The following ANXA2 variants were observed in gnomAD, a reference collection of about 807,000 sequenced individuals.
ANXA2 encodes annexin II.
ANXA2 carries 28 observed loss-of-function variants against 47.3 expected under a neutral mutation model. The ratio of observed to expected loss-of-function variants is 0.59; its 90% confidence interval spans 0.44 to 0.81. The LOEUF is 0.81. ANXA2 is among the 40% of genes least tolerant of loss of function. The probability of loss-of-function intolerance (pLI) is 0.00; values close to 1 mark genes in which losing one functional copy is unlikely to be tolerated. For synonymous variants in ANXA2, 172 were observed against 155.5 expected, an observed-to-expected ratio of 1.11 and a Z score of -0.79; for missense variants, 384 against 414.3, an observed-to-expected ratio of 0.93 and a Z score of 0.64.
intron 5 of ANXA2, among the ~76,000 whole-genome samples, chr15:60,358,910 T>C (rs2062472319): frequency 6.6e-6 from 1 of 152,192 alleles, no homozygotes; most frequent in Non-Finnish European, 1.5e-5. Context: ...CCAGTGGTAA[T>C]ATCTGAGAAT....
chr15:60,366,413 G>A (rs1300671103), intron 3 of ANXA2, among the ~76,000 whole-genome samples: 6 of 144,804 alleles, frequency 4.1e-5, no homozygotes, highest in Non-Finnish European at 9.1e-5. Context: ...GCATCTCTGC[G>A]CGGCCGCCCA....
At chr15:60,370,580 C>T (rs1223497964) in intron 3 of ANXA2, among the ~76,000 whole-genome samples, 2 of 152,172 alleles carry the variant, frequency 1.3e-5, no homozygotes, top group African/African-American at 4.8e-5. Context: ...AAGGGTCATC[C>T]GGTTACTCAC....
Position 60,347,661 on chromosome 15 carries a change from G to C in ANXA2, c.989C>G (p.Ala330Gly). 1 of 1,614,172 alleles carries C rather than the reference G, an allele frequency of 6.2e-7. No homozygotes were observed. Among genetic ancestry groups the C allele is most frequent in the East Asian group, 2.2e-5 (1 of 44,896 alleles). Reference protein sequence around the residue: ...QQDTKGDYQKALLYLCGGDD With the variant: ...QQDTKGDYQKGLLYLCGGDD Reference sequence around the variant, plus strand: ...ATCTCCACCACACAGGTACAGCAGCGCTTTCTGGTAGTCGCCCTTAGTGTC... The same window carrying C: ...ATCTCCACCACACAGGTACAGCAGCCCTTTCTGGTAGTCGCCCTTAGTGTC... The change falls in exon 13 of 13, where the codon GCG becomes GGG. Residue 330 changes from alanine to glycine, a missense_variant. Transcript: ENST00000451270.
At chr15:60,386,333 G>A in intron 1 of ANXA2, 1 of 432,904 alleles carries the variant, frequency 2.3e-6, no homozygotes, top group Non-Finnish European at 4.1e-6. Flanking sequence ...ACAGAACCTG[G>A]GGAGACTGAT....
intron 3 of ANXA2, among the ~76,000 whole-genome samples, chr15:60,367,304 C>A (rs1412335143): frequency 3.2e-5 from 4 of 123,710 alleles, no homozygotes; most frequent in African/African-American, 1.2e-4. Flanking sequence ...CCGCCCCGTC[C>A]GGGAGGTGAG....
At chr15:60,379,191 C>A (rs1210844165) in intron 3 of ANXA2, among the ~76,000 whole-genome samples, 1 of 150,202 alleles carries the variant, frequency 6.7e-6, no homozygotes, top group Non-Finnish European at 1.5e-5. Context: ...AGGCAGAGAA[C>A]TGCTTGAACC....
At chr15:60,357,495 T>C (rs2062450349) in intron 5 of ANXA2, among the ~76,000 whole-genome samples, 1 of 152,164 alleles carries the variant, frequency 6.6e-6, no homozygotes, top group African/African-American at 2.4e-5. Context: ...GGTTTTTTTT[T>C]TTAAGTAGTG....
In ANXA2 at chr15:60,352,309, C is replaced by T; in HGVS notation, c.682+74G>A. On this transcript the variant is annotated intron_variant, in intron 9 of 12. Coordinates refer to ENST00000451270, the MANE Select transcript of ANXA2 (RefSeq NM_004039.3). The surrounding 1 kb of genome is among the most constrained non-coding windows in gnomAD (Gnocchi z 4.2). ...AGAACCTCATTCTGGCAGACTCCATCCCAACATGGACATCCACCCAGCCGC... is the reference window on the plus strand; with the variant it reads ...AGAACCTCATTCTGGCAGACTCCATTCCAACATGGACATCCACCCAGCCGC... 9.9e-7 allele frequency: 1 copy of T among 1,011,848 alleles called. No individual in the cohort carries two copies. The highest frequency in any genetic ancestry group is 1.6e-5 in the African/African-American group (1 of 62,274). The allele number at this position is 1,011,848 out of a possible 1,614,324, so 62.7% of individuals were successfully genotyped here. A position where few individuals can be genotyped will look rare whatever the true frequency, so the allele number is the denominator to read the frequency against.
chr15:60,357,283 C>A (rs770599774), intron 5 of ANXA2, 47 bp from the exon 6 acceptor site: 8 of 1,483,364 alleles, frequency 5.4e-6, no homozygotes, highest in Non-Finnish European at 7.5e-6. Flanking sequence ...GCTTCCCCAC[C>A]ATTAGCCTAC....
intron 8 of ANXA2, 28 bp downstream of exon 8, chr15:60,354,126 A>T: frequency 5.6e-6 from 9 of 1,607,642 alleles, no homozygotes; most frequent in Non-Finnish European, 7.7e-6. Context: ...AGAAAACAAA[A>T]ACTCAAAGCA....
chr15:60,397,187 G>T (rs1045146641), intron 1 of ANXA2: 1 of 851,156 alleles, frequency 1.2e-6, no homozygotes, highest in Non-Finnish European at 1.4e-6. Context: ...TCTACTCTCA[G>T]TTCCTGACTC....
rs893040151 is a variant in ANXA2, at chr15:60,352,058, C to A, written c.683-239G>T. On this transcript the variant is annotated intron_variant, in intron 9 of 12. Transcript: ENST00000451270. The surrounding 1 kb of genome is among the most constrained non-coding windows in gnomAD (Gnocchi z 4.2). ...CCACATATTTGGACCATCTCTATCT[C>A]CCCTGAGTGGAACCCATTCCATCCG... Among the ~76,000 whole-genome samples the A allele has an allele frequency of 2.0e-5, 3 of 152,146 alleles. No individual in the cohort carries two copies. The highest frequency in any genetic ancestry group is 7.2e-5 in the African/African-American group (3 of 41,428).
At chr15:60,376,305 C>G (rs566278137) in intron 3 of ANXA2, among the ~76,000 whole-genome samples, 1 of 152,018 alleles carries the variant, frequency 6.6e-6, no homozygotes, top group Non-Finnish European at 1.5e-5. Context: ...TCGCTTGAAC[C>G]CGGGAGGCGA....
At chr15:60,371,506 T>C (rs2062709760) in intron 3 of ANXA2, among the ~76,000 whole-genome samples, 1 of 152,200 alleles carries the variant, frequency 6.6e-6, no homozygotes, top group Non-Finnish European at 1.5e-5. Context: ...GGAAAATGTG[T>C]GTCTTTATTG....
chr15:60,393,543 T>A, intron 1 of ANXA2: 1 of 985,896 alleles, frequency 1.0e-6, no homozygotes. Flanking sequence ...CATACACGCA[T>A]CCTGCACAGA....
intron 3 of ANXA2, among the ~76,000 whole-genome samples, chr15:60,370,194 T>G (rs1290524287): frequency 1.3e-5 from 2 of 152,322 alleles, no homozygotes; most frequent in Non-Finnish European, 2.9e-5. Context: ...ACTTTACAAG[T>G]GAACAGCCGT....
intron 3 of ANXA2, among the ~76,000 whole-genome samples, chr15:60,365,543 A>G (rs2062583198): frequency 6.6e-6 from 1 of 152,226 alleles, no homozygotes; most frequent in Non-Finnish European, 1.5e-5. Flanking sequence ...CCTGAAGAAA[A>G]TCAGAGGAGT....
intron 2 of ANXA2, chr15:60,384,552 G>T (rs549739209): frequency 6.6e-6 from 1 of 152,210 alleles, no homozygotes; most frequent in South Asian, 2.1e-4. Context: ...TACACAAAAA[G>T]CCCTCTTATA....
intron 3 of ANXA2, among the ~76,000 whole-genome samples, chr15:60,378,081 A>G (rs1257462701): frequency 1.3e-5 from 2 of 152,242 alleles, no homozygotes; most frequent in East Asian, 3.9e-4. Context: ...CAGCCTGGGC[A>G]ACAGAGTGAG....
Sources: gnomAD v4.1 joint callset for allele counts (sites outside exome capture counted in the v4.1 genomes callset) on GRCh38, gnomAD v4.1.1 for gene constraint, Gnocchi (gnomAD v3.1) non-coding constraint, MANE v1.5 for transcripts, NCBI Gene and HGNC (gene_info 2026-07-23, HGNC 2026-07-21) for gene names.